Variants in SLC25A43 observed in about 807,000 individuals in gnomAD.
SLC25A43 encodes solute carrier family 25 member 43.
In SLC25A43, 10 loss-of-function variants were observed where a neutral mutation model predicts 22.8. The ratio of observed to expected loss-of-function variants is 0.44; its 90% CI spans 0.27 to 0.74. SLC25A43 has a LOEUF of 0.74. SLC25A43 is among the 30% of genes least tolerant of loss of function. The pLI is 0.17. For synonymous variants in SLC25A43, 106 were observed against 121.6 expected, an observed-to-expected ratio of 0.87 and a Z score of 0.84; for missense variants, 233 against 279.1, an observed-to-expected ratio of 0.83 and a Z score of 1.18.
chrX:119,424,069 C>T (rs1330175407), intron 3 of SLC25A43, among the ~76,000 whole-genome samples: 2 of 109,543 alleles, frequency 1.8e-5, no homozygotes, highest in Non-Finnish European at 3.8e-5. Flanking sequence ...AAAAATTAGC[C>T]GGGCGTGGTG....
chrX:119,451,146 G>A (rs1265121106), intron 3 of SLC25A43, among the ~76,000 whole-genome samples: 1 of 107,876 alleles, frequency 9.3e-6, no homozygotes, highest in African/African-American at 3.4e-5. Context: ...CTGGGCAACA[G>A]AGTGTGAGAC....
chrX:119,420,091 A>T (rs922252516), intron 3 of SLC25A43, among the ~76,000 whole-genome samples: 2 of 111,571 alleles, frequency 1.8e-5, no homozygotes, highest in Admixed American at 9.6e-5. Flanking sequence ...CACTGTTATT[A>T]TTAAGTCCAT....
Position 119,427,587 on chromosome X carries a change from C to A in SLC25A43, c.690+17225C>A, listed in dbSNP as rs981413197. ...ATGTGGTTCACAGGACAGAAAGGTT[C>A]ATTTACTCCAATATGACTGGCATTT... On this transcript the variant is annotated intron_variant, in intron 3 of 4. Coordinates refer to ENST00000217909, the MANE Select transcript of SLC25A43 (RefSeq NM_145305.3). Among the ~76,000 whole-genome samples, 3 of 112,224 alleles carry A rather than the reference C, an allele frequency of 2.7e-5. No homozygotes were observed. In the East Asian group the frequency reaches 8.4e-4, roughly 31 times the overall value.
intron 3 of SLC25A43, among the ~76,000 whole-genome samples, chrX:119,445,909 T>A (rs2147296592): frequency 9.1e-6 from 1 of 109,939 alleles, no homozygotes; most frequent in South Asian, 3.9e-4. Flanking sequence ...TCCCAGCACT[T>A]TGGGAGGCCG....
chrX:119,432,359 T>C (rs2052560689), intron 3 of SLC25A43, among the ~76,000 whole-genome samples: 1 of 111,973 alleles, frequency 8.9e-6, no homozygotes, highest in Admixed American at 9.5e-5. Flanking sequence ...TGAATTGAAA[T>C]GATGTCTCGT....
intron 3 of SLC25A43, among the ~76,000 whole-genome samples, chrX:119,413,463 TG>T (rs1244302838): frequency 9.0e-6 from 1 of 111,669 alleles, no homozygotes; most frequent in Admixed American, 9.5e-5. Context: ...CCCAGCACTT[TG>T]GGGGGCCGAG....
chrX:119,405,757 G>C (rs1024510819), intron 1 of SLC25A43, among the ~76,000 whole-genome samples: 6 of 110,757 alleles, frequency 5.4e-5, no homozygotes, highest in Admixed American at 1.9e-4. Flanking sequence ...GCGATAGAGT[G>C]GCCACCGCAC....
chrX:119,430,150 A>G (rs2052540357), intron 3 of SLC25A43, among the ~76,000 whole-genome samples: 6 of 111,833 alleles, frequency 5.4e-5, no homozygotes, highest in Admixed American at 2.9e-4. Flanking sequence ...AAGCTGCGTG[A>G]CATGTTTCAT....
chrX:119,417,423 C>T (rs1405208565), intron 3 of SLC25A43, among the ~76,000 whole-genome samples: 2 of 110,106 alleles, frequency 1.8e-5, no homozygotes, highest in African/African-American at 6.6e-5. Flanking sequence ...GAGACTCTGT[C>T]TCAAAAAAAA....
intron 3 of SLC25A43, among the ~76,000 whole-genome samples, chrX:119,431,171 A>C (rs1429323708): frequency 8.9e-6 from 1 of 112,213 alleles, no homozygotes; most frequent in Non-Finnish European, 1.9e-5. Context: ...TAATACGATA[A>C]TACTACCTCT....
intron 2 of SLC25A43, among the ~76,000 whole-genome samples, chrX:119,409,362 G>A (rs1452744823): frequency 9.3e-6 from 1 of 107,982 alleles, no homozygotes; most frequent in Non-Finnish European, 1.9e-5. Context: ...TGTATTTTTA[G>A]TAGAGATGGA....
At chrX:119,413,476 C>T (rs188098658) in intron 3 of SLC25A43, among the ~76,000 whole-genome samples, 6,176 of 111,198 alleles carry the variant, frequency 0.056, 171 homozygotes, top group South Asian at 0.11. Flanking sequence ...GGGGCCGAGG[C>T]GGGTGGATCA....
intron 4 of SLC25A43, among the ~76,000 whole-genome samples, chrX:119,452,566 A>T (rs112700713): frequency 7.7e-4 from 86 of 111,321 alleles, no homozygotes; most frequent in African/African-American, 2.6e-3. Context: ...CATGTAAATG[A>T]TTCCAGTCAA....
intron 3 of SLC25A43, among the ~76,000 whole-genome samples, chrX:119,446,159 A>G (rs1448049976): frequency 9.4e-6 from 1 of 106,186 alleles, no homozygotes; most frequent in Non-Finnish European, 1.9e-5. Flanking sequence ...CTCAAAAAAA[A>G]AAAAAAAAAA....
Position 119,399,345 on chromosome X carries a change from C to G in SLC25A43, c.-59C>G. On this transcript the variant is annotated 5_prime_UTR_variant, in exon 1 of 5. Coordinates refer to ENST00000217909, the MANE Select transcript of SLC25A43 (RefSeq NM_145305.3). ...GGGCCTGGGGCCCGCCACCTCCGCC[C>G]GTGGCCGGAGAGCCCCAGGCCCGAG... is the stretch of plus-strand genomic sequence containing the variant. 4.6e-6 allele frequency: 4 copies of G among 861,069 alleles called. No homozygotes were observed. The highest frequency in any genetic ancestry group is 6.0e-5 in the South Asian group (1 of 16,650). 71.0% of individuals were successfully genotyped at this position (861,069 alleles called of 1,213,427 possible). A position where few individuals can be genotyped will look rare whatever the true frequency, so the allele number is the denominator to read the frequency against.
At chrX:119,411,923 A>G (rs1161238802) in intron 3 of SLC25A43, among the ~76,000 whole-genome samples, 1 of 111,925 alleles carries the variant, frequency 8.9e-6, no homozygotes, top group South Asian at 3.7e-4. Context: ...GGCTGTCTCC[A>G]TGGCCTCTTC....
At chrX:119,451,444 T>G (rs1569378840) in intron 3 of SLC25A43, among the ~76,000 whole-genome samples, 1 of 111,259 alleles carries the variant, frequency 9.0e-6, no homozygotes, top group Non-Finnish European at 1.9e-5. Flanking sequence ...GTGGCCAGAT[T>G]AGTAGATAAT....
chrX:119,400,009 A>G (rs1001681078), intron 1 of SLC25A43, among the ~76,000 whole-genome samples: 3 of 112,450 alleles, frequency 2.7e-5, no homozygotes, highest in African/African-American at 9.7e-5. Context: ...AGCTCTCCAG[A>G]GAGATGAGTC....
chrX:119,414,757 CTT>C (rs1265461621), intron 3 of SLC25A43, among the ~76,000 whole-genome samples: 1 of 99,842 alleles, frequency 1.0e-5, no homozygotes, highest in Non-Finnish European at 2.1e-5. Flanking sequence ...CACTTGGCTT[CTT>C]TTTTTTTTGA....
Sources: allele counts gnomAD v4.1 joint callset (sites outside exome capture counted in the v4.1 genomes callset), GRCh38; gene constraint gnomAD v4.1.1; transcripts MANE v1.5; gene names NCBI Gene and HGNC (gene_info 2026-07-23, HGNC 2026-07-21).